ZBTB20: variants seen among roughly 807,000 people sequenced by gnomAD.
ZBTB20 encodes the protein zinc finger and BTB domain-containing protein 20.
In ZBTB20, 9 loss-of-function variants were observed where a neutral mutation model predicts 56.9. The ratio of observed to expected loss-of-function variants is 0.16; its 90% CI spans 0.10 to 0.28. The LOEUF is 0.28. Ranked by LOEUF, ZBTB20 falls within the 10% of genes least tolerant of loss-of-function variation. The pLI is 1.00. For missense variants in ZBTB20, 655 were observed against 1,003.0 expected (o/e 0.65, Z 4.69); for synonymous variants, 417 against 420.7 (o/e 0.99, Z 0.11).
chr3:114,697,970 G>A (rs1483057066), intron 5 of ZBTB20, among the ~76,000 whole-genome samples: 1 of 152,034 alleles, frequency 6.6e-6, no homozygotes, highest in African/African-American at 2.4e-5. Context: ...TTACTGGCAG[G>A]TGAATGCCTG....
At chr3:114,404,735 A>G (rs540338492) in intron 7 of ZBTB20, among the ~76,000 whole-genome samples, 28 of 152,182 alleles carry the variant, frequency 1.8e-4, no homozygotes, top group Admixed American at 1.2e-3. Context: ...AGAAAACCCA[A>G]TACCCGGAGC....
chr3:114,701,489 C>G (rs1030998303), intron 5 of ZBTB20, among the ~76,000 whole-genome samples: 1 of 152,110 alleles, frequency 6.6e-6, no homozygotes, highest in African/African-American at 2.4e-5. Flanking sequence ...CCAGAGGAAA[C>G]TGGTATTTAC....
intron 4 of ZBTB20, among the ~76,000 whole-genome samples, chr3:114,832,073 AAAC>A (rs2073877496): frequency 6.6e-6 from 1 of 152,104 alleles, no homozygotes; most frequent in Non-Finnish European, 1.5e-5. Context: ...AGGTCTGAAA[AAAC>A]AAAAGGTGTT....
intron 6 of ZBTB20, among the ~76,000 whole-genome samples, chr3:114,618,470 C>T (rs2058090243): frequency 6.6e-6 from 1 of 151,768 alleles, no homozygotes; most frequent in African/African-American, 2.4e-5. Flanking sequence ...GTTACCCAGA[C>T]TGGTCTCAAA....
At chr3:114,779,854 C>A (rs531117254) in intron 5 of ZBTB20, among the ~76,000 whole-genome samples, 1 of 152,112 alleles carries the variant, frequency 6.6e-6, no homozygotes, top group East Asian at 1.9e-4. Context: ...TAATCAAAAT[C>A]CCAGGTTATC....
intron 6 of ZBTB20, among the ~76,000 whole-genome samples, chr3:114,672,155 A>C (rs551813264): frequency 3.9e-5 from 6 of 152,218 alleles, no homozygotes; most frequent in Admixed American, 2.0e-4. Flanking sequence ...ATGGAATATT[A>C]AATTGAAAAA....
chr3:114,487,632 C>T (rs1357305571), intron 7 of ZBTB20, among the ~76,000 whole-genome samples: 1 of 152,138 alleles, frequency 6.6e-6, no homozygotes, highest in African/African-American at 2.4e-5. Context: ...CGGGAAGACT[C>T]GAGGAACTCA....
At chr3:114,824,225 A>G (rs1176989092) in intron 4 of ZBTB20, among the ~76,000 whole-genome samples, 2 of 152,090 alleles carry the variant, frequency 1.3e-5, no homozygotes, top group East Asian at 3.9e-4. Context: ...ATCAAATGCT[A>G]AGAGACAATT....
intron 6 of ZBTB20, among the ~76,000 whole-genome samples, chr3:114,594,481 G>A (rs1054348302): frequency 2.0e-5 from 3 of 151,854 alleles, no homozygotes; most frequent in Non-Finnish European, 2.9e-5. Context: ...TGGCCAAGAT[G>A]GTCTCGATCT....
chr3:114,478,249 A>G (rs974206541), intron 7 of ZBTB20, among the ~76,000 whole-genome samples: 23 of 152,208 alleles, frequency 1.5e-4, no homozygotes, highest in Admixed American at 5.2e-4. Context: ...TACAGGCGTG[A>G]GCCACCACAC....
chr3:114,995,677 A>T (rs1459158413), intron 2 of ZBTB20, among the ~76,000 whole-genome samples: 1 of 151,906 alleles, frequency 6.6e-6, no homozygotes, highest in Non-Finnish European at 1.5e-5. Context: ...TATTGAAAAT[A>T]ATACCATAGT....
chr3:115,122,197 G>A (rs1034721019), intron 1 of ZBTB20, among the ~76,000 whole-genome samples: 1 of 152,022 alleles, frequency 6.6e-6, no homozygotes, highest in African/African-American at 2.4e-5. Flanking sequence ...TGAAACAAAG[G>A]GGAAAACTTG....
intron 1 of ZBTB20, among the ~76,000 whole-genome samples, chr3:115,137,282 A>G (rs761098317): frequency 9.9e-5 from 15 of 152,078 alleles, no homozygotes; most frequent in Admixed American, 4.6e-4. Context: ...TTATCTTTTG[A>G]AAACTTTTTA....
intron 4 of ZBTB20, among the ~76,000 whole-genome samples, chr3:114,864,779 A>G (rs17627725): frequency 0.024 from 3,641 of 152,218 alleles, 52 homozygotes; most frequent in South Asian, 0.051. Flanking sequence ...AGAAGTATAC[A>G]AAAGTGTTAA....
chr3:114,754,376 C>A (rs2067840163), intron 5 of ZBTB20, among the ~76,000 whole-genome samples: 1 of 152,170 alleles, frequency 6.6e-6, no homozygotes, highest in African/African-American at 2.4e-5. Flanking sequence ...GATACCCTCT[C>A]ATCCTAGTTT....
At chr3:114,906,174 C>T (rs986390753) in intron 3 of ZBTB20, among the ~76,000 whole-genome samples, 2 of 151,774 alleles carry the variant, frequency 1.3e-5, no homozygotes, top group Non-Finnish European at 2.9e-5. Context: ...AAGTATTTGT[C>T]AGATGTATAA....
At position 114,495,129 on chromosome 3, in the gene ZBTB20, C is replaced by T. The variant is rs7637881; in HGVS notation, c.-255+5223G>A. Among the ~76,000 whole-genome samples the T allele has an allele frequency of 1.4e-3, 218 of 152,320 alleles. 1 individual carries two copies. Among genetic ancestry groups the T allele is most frequent in the African/African-American group, 3.2e-3 (132 of 41,576 alleles). ...TTTATTATCTTATGTGCATACACAA[C>T]GCTCAACAATATAACTGTTTTTCCT... On this transcript the variant is annotated intron_variant, in intron 7 of 11. Transcript: ENST00000675478.
chr3:115,068,683 G>C (rs1192296138), intron 2 of ZBTB20, among the ~76,000 whole-genome samples: 1 of 151,910 alleles, frequency 6.6e-6, no homozygotes, highest in Non-Finnish European at 1.5e-5. Context: ...TCCATTATAG[G>C]CCCCGAAAGT....
chr3:114,911,823 A>T (rs1051284359), intron 3 of ZBTB20, among the ~76,000 whole-genome samples: 5 of 151,976 alleles, frequency 3.3e-5, no homozygotes, highest in African/African-American at 1.2e-4. Context: ...CAGAGAAGAC[A>T]GACAGAGTAA....
Sources: allele counts gnomAD v4.1 joint callset (sites outside exome capture counted in the v4.1 genomes callset), GRCh38; gene constraint gnomAD v4.1.1; transcripts MANE v1.5; gene names NCBI Gene and HGNC (gene_info 2026-07-23, HGNC 2026-07-21).